LPCAT2: variants seen among roughly 807,000 people sequenced by gnomAD.
The protein encoded by LPCAT2 is 1-AGP acyltransferase 11.
Under a neutral mutation model 64.7 loss-of-function variants are expected in LPCAT2, and 58 were observed. That is an observed-to-expected ratio of 0.90 (90% confidence interval 0.73 to 1.12). The LOEUF (loss-of-function observed/expected upper bound fraction) is 1.12. Among genes scored for constraint, LPCAT2 ranks in the 50% most tolerant of loss-of-function variants. The pLI is 0.00. For synonymous variants in LPCAT2, 252 were observed against 245.3 expected (o/e 1.03, Z -0.26); for missense variants, 579 against 669.8 (o/e 0.86, Z 1.50).
Position 55,537,598 on chromosome 16 carries a change from C to T in LPCAT2, c.818C>T (p.Thr273Ile). The T allele has an allele frequency of 6.2e-7, 1 of 1,613,268 alleles. No individual in the cohort carries two copies. Among genetic ancestry groups the T allele is most frequent in the Non-Finnish European group, 8.5e-7 (1 of 1,179,500 alleles). ...GYTFIQLCMLTFCQLFTKVEV... is the reference protein window; with the variant it reads ...GYTFIQLCMLIFCQLFTKVEV... ...TTCAGCATTCAGCTTTGTATGCTTA[C>T]TTTCTGCCAGCTCTTCACAAAGGTA... Residue 273 changes from threonine to isoleucine, a missense_variant, in exon 8 of 14, where the codon ACT (threonine) becomes ATT (isoleucine). Physicochemically the swap from Thr to Ile is moderately conservative, Grantham distance 89 (BLOSUM62 -1). Transcript: ENST00000262134.
At chr16:55,519,512 A>C (rs941849848) in intron 1 of LPCAT2, among the ~76,000 whole-genome samples, 9 of 151,586 alleles carry the variant, frequency 5.9e-5, no homozygotes, top group Non-Finnish European at 1.0e-4. Context: ...CCATCACAAA[A>C]AAAAAAAGAA....
intron 11 of LPCAT2, among the ~76,000 whole-genome samples, chr16:55,554,015 A>G (rs1425192688): frequency 7.9e-5 from 12 of 152,204 alleles, no homozygotes; most frequent in Admixed American, 7.2e-4. Flanking sequence ...GGTCTCAACA[A>G]TGTTCTTAAA....
At chr16:55,538,433 G>T (rs1183763366) in intron 8 of LPCAT2, 1 of 152,112 alleles carries the variant, frequency 6.6e-6, no homozygotes, top group Non-Finnish European at 1.5e-5. Context: ...GTGCCTAAGT[G>T]ACAGGACTGT....
chr16:55,520,683 A>G (rs1338432577), intron 1 of LPCAT2, among the ~76,000 whole-genome samples: 2 of 152,138 alleles, frequency 1.3e-5, no homozygotes, highest in South Asian at 4.1e-4. Context: ...AATAAATTAT[A>G]TTAGAAATCA....
chr16:55,551,441 T>G (rs1963517430), intron 11 of LPCAT2: 1 of 152,478 alleles, frequency 6.6e-6, no homozygotes, highest in African/African-American at 2.4e-5. Flanking sequence ...TAACCACATT[T>G]GTGGTATGGA....
intron 8 of LPCAT2, chr16:55,539,185 A>G (rs112804348): frequency 1.1e-4 from 17 of 149,840 alleles, no homozygotes; most frequent in African/African-American, 4.2e-4. Flanking sequence ...AGGTATTCAG[A>G]TTCCTCTTTT....
At chr16:55,520,141 C>T (rs1347190288) in intron 1 of LPCAT2, among the ~76,000 whole-genome samples, 1 of 152,060 alleles carries the variant, frequency 6.6e-6, no homozygotes, top group Non-Finnish European at 1.5e-5. Flanking sequence ...CCCAGCTATA[C>T]ATTAATCCAC....
intron 1 of LPCAT2, among the ~76,000 whole-genome samples, chr16:55,510,465 G>C (rs1431966743): frequency 7.1e-6 from 1 of 140,770 alleles, no homozygotes; most frequent in Non-Finnish European, 1.6e-5. Flanking sequence ...GGGGGTGGGG[G>C]AACAATTTTG....
At chr16:55,522,023 CAT>C (rs35678681) in intron 1 of LPCAT2, among the ~76,000 whole-genome samples, 72,186 of 151,132 alleles carry the variant, frequency 0.48, 17,892 homozygotes, top group Non-Finnish European at 0.55. Flanking sequence ...AAATAAAAGA[CAT>C]ATTGATTAGA....
At chr16:55,559,261 T>G (rs1567402820) in intron 11 of LPCAT2, among the ~76,000 whole-genome samples, 2 of 152,220 alleles carry the variant, frequency 1.3e-5, no homozygotes, top group Non-Finnish European at 2.9e-5. Context: ...TAACAAGTAC[T>G]TAGTTCTTCT....
chr16:55,544,582 A>G (rs1245111607), intron 8 of LPCAT2, among the ~76,000 whole-genome samples: 3 of 152,224 alleles, frequency 2.0e-5, no homozygotes, highest in Admixed American at 6.5e-5. Context: ...GTTTGTAGTT[A>G]TAATTCAATA....
chr16:55,513,797 C>G (rs1346891518), intron 1 of LPCAT2, among the ~76,000 whole-genome samples: 1 of 152,168 alleles, frequency 6.6e-6, no homozygotes, highest in African/African-American at 2.4e-5. Flanking sequence ...ATTGTCATTA[C>G]TGGTCAGTCT....
intron 3 of LPCAT2, 116 bp downstream of exon 3, chr16:55,528,710 AC>A: frequency 4.0e-6 from 3 of 758,000 alleles, no homozygotes; most frequent in Non-Finnish European, 6.4e-6. Context: ...AACATTTCAA[AC>A]ATATTTACTT....
In LPCAT2 at chr16:55,583,277, C is replaced by A. The variant is rs1388784884; in HGVS notation, c.*179C>A. On this transcript the variant is annotated 3_prime_UTR_variant, in exon 14 of 14. Transcript: ENST00000262134. ...TAACCTTGCTTTTATTGGAAAAAAT[C>A]AAGCAATATTTCGTTTTCTTTTGTG... The A allele has an allele frequency of 7.1e-6, 4 of 563,964 alleles. No individual in the cohort carries two copies. Among genetic ancestry groups the A allele is most frequent in the Non-Finnish European group, 1.2e-5 (4 of 328,512 alleles). 34.9% of individuals were successfully genotyped at this position (563,964 alleles called of 1,614,324 possible).
Position 55,583,377 on chromosome 16 carries a change from A to G in LPCAT2, c.*279A>G, listed in dbSNP as rs1345559206. On this transcript the variant is annotated 3_prime_UTR_variant, in exon 14 of 14. Transcript: ENST00000262134. ...GGATTTTCCAGTTTAATTTGCATAT[A>G]CAAATGAATGCAATGGTCTATTGGT... 3.6e-6 allele frequency: 1 copy of G among 281,262 alleles called. No homozygotes were observed. Among genetic ancestry groups the G allele is most frequent in the Admixed American group, 4.5e-5 (1 of 22,104 alleles). 17.4% of individuals were successfully genotyped at this position (281,262 alleles called of 1,614,324 possible).
At chr16:55,515,943 A>T (rs1963004140) in intron 1 of LPCAT2, among the ~76,000 whole-genome samples, 1 of 152,230 alleles carries the variant, frequency 6.6e-6, no homozygotes, top group South Asian at 2.1e-4. Context: ...GAAATTTAAA[A>T]AGACGTAAGA....
intron 11 of LPCAT2, among the ~76,000 whole-genome samples, chr16:55,569,028 A>G (rs578031381): frequency 6.6e-6 from 1 of 152,192 alleles, no homozygotes; most frequent in Non-Finnish European, 1.5e-5. Flanking sequence ...ATCCCAGGCT[A>G]CTTTGGAGGG....
At chr16:55,559,651 G>A (rs1252736612) in intron 11 of LPCAT2, among the ~76,000 whole-genome samples, 2 of 150,822 alleles carry the variant, frequency 1.3e-5, no homozygotes, top group Admixed American at 6.6e-5. Context: ...TCCAGTTAAC[G>A]TTTTATATGT....
At chr16:55,560,196 A>G (rs1963620793) in intron 11 of LPCAT2, among the ~76,000 whole-genome samples, 1 of 152,184 alleles carries the variant, frequency 6.6e-6, no homozygotes, top group Non-Finnish European at 1.5e-5. Flanking sequence ...TGACAGTCCA[A>G]GATGATAAGG....
Sources: allele counts gnomAD v4.1 joint callset (sites outside exome capture counted in the v4.1 genomes callset), GRCh38; gene constraint gnomAD v4.1.1; transcripts MANE v1.5; gene names NCBI Gene and HGNC (gene_info 2026-07-23, HGNC 2026-07-21).